The following TDRP variants were observed in gnomAD, a reference collection of about 807,000 sequenced individuals.
TDRP encodes testis development-related protein.
Under a neutral mutation model 10.5 loss-of-function variants are expected in TDRP, and 12 were observed. That is an observed-to-expected ratio of 1.15 (90% CI 0.73 to 1.86). The LOEUF is 1.86. Ranked by LOEUF, TDRP falls within the 40% of genes most tolerant of loss-of-function variation. TDRP has a pLI of 0.00. For missense variants in TDRP, 353 were observed against 229.2 expected (o/e 1.54, Z -3.49); for synonymous variants, 139 against 95.4 (o/e 1.46, Z -2.67).
chr8:529,249 A>T (rs528999288), intron 1 of TDRP, among the ~76,000 whole-genome samples: 1 of 152,282 alleles, frequency 6.6e-6, no homozygotes, highest in East Asian at 1.9e-4. Context: ...CTCAGTATTA[A>T]CCATCACATC....
At chr8:512,971 C>CAAAAAAA (rs34201826) in intron 1 of TDRP, among the ~76,000 whole-genome samples, 1 of 147,206 alleles carries the variant, frequency 6.8e-6, no homozygotes. Flanking sequence ...GATTTCACCT[C>CAAAAAAA]AAAAAAAAAA....
chr8:530,025 G>A (rs1028290263), intron 1 of TDRP, among the ~76,000 whole-genome samples: 4 of 151,906 alleles, frequency 2.6e-5, no homozygotes, highest in Non-Finnish European at 4.4e-5. Context: ...TCCACTCAAT[G>A]GTGTGCCATA....
At chr8:501,502 A>G (rs1801299406) in intron 1 of TDRP, among the ~76,000 whole-genome samples, 1 of 151,770 alleles carries the variant, frequency 6.6e-6, no homozygotes, top group Non-Finnish European at 1.5e-5. Flanking sequence ...GATGGCCACC[A>G]CACCCAGCTA....
chr8:537,288 C>A (rs776644738), intron 1 of TDRP, among the ~76,000 whole-genome samples: 3 of 152,180 alleles, frequency 2.0e-5, no homozygotes, highest in Admixed American at 6.5e-5. Flanking sequence ...GAATGCCTGT[C>A]GCACAAGTGA....
At chr8:535,657 T>G (rs1050851682) in intron 1 of TDRP, among the ~76,000 whole-genome samples, 4 of 151,468 alleles carry the variant, frequency 2.6e-5, no homozygotes, top group Non-Finnish European at 5.9e-5. Context: ...TCCCAACAGG[T>G]GATCTTAAAA....
intron 1 of TDRP, among the ~76,000 whole-genome samples, chr8:529,250 C>G (rs1193287870): frequency 3.3e-5 from 5 of 152,126 alleles, no homozygotes; most frequent in Non-Finnish European, 7.4e-5. Context: ...TCAGTATTAA[C>G]CATCACATCC....
chr8:543,444 A>C (rs1802553767), intron 1 of TDRP, among the ~76,000 whole-genome samples: 1 of 152,180 alleles, frequency 6.6e-6, no homozygotes, highest in Non-Finnish European at 1.5e-5. Flanking sequence ...CTCATCTTTG[A>C]CCAATATTAG....
At chr8:530,040 C>A (rs1223557002) in intron 1 of TDRP, among the ~76,000 whole-genome samples, 1 of 151,762 alleles carries the variant, frequency 6.6e-6, no homozygotes, top group Admixed American at 6.6e-5. Context: ...GCCATAAATC[C>A]CTTAGGCTTT....
At chr8:518,056 C>G (rs570845239) in intron 1 of TDRP, among the ~76,000 whole-genome samples, 42 of 152,326 alleles carry the variant, frequency 2.8e-4, no homozygotes, top group African/African-American at 9.4e-4. Flanking sequence ...CCACCGTACA[C>G]TCATCCAGAC....
Position 495,881 on chromosome 8 carries a change from C to G in TDRP, c.109-1284G>C, listed in dbSNP as rs1222659876. Among the ~76,000 whole-genome samples, 5 of 152,206 alleles carry G rather than the reference C, an allele frequency of 3.3e-5. No homozygotes were observed. In the East Asian group the frequency reaches 5.8e-4, roughly 18 times the overall value. On this transcript the variant is annotated intron_variant, in intron 1 of 2. Transcript: ENST00000324079. ...CAAAGGGCAGAGATGACCCTGAAAA[C>G]TAACCAGGGACTAAGGGGTCCCACT...
At chr8:512,053 A>G (rs1801633891) in intron 1 of TDRP, among the ~76,000 whole-genome samples, 1 of 152,212 alleles carries the variant, frequency 6.6e-6, no homozygotes, top group African/African-American at 2.4e-5. Context: ...GGAAATCACA[A>G]AGATTAAAGC....
At position 494,416 on chromosome 8, in the gene TDRP, T is replaced by C. The variant is rs148150861; in HGVS notation, c.212+78A>G. On this transcript the variant is annotated intron_variant, in intron 2 of 2. Transcript: ENST00000324079. ...CTCCAGTTACACTGCATTTATGCCA[T>C]CAAATCTTCATTTCCACCTCCTCAG... 64 of 1,426,944 alleles carry C rather than the reference T, an allele frequency of 4.5e-5. No homozygotes were observed. In the African/African-American group the frequency reaches 7.7e-4, roughly 17 times the overall value. 88.4% of individuals were successfully genotyped at this position (1,426,944 alleles called of 1,614,324 possible).
rs778378508 is a variant in TDRP, at chr8:492,713, C to T, written c.244G>A (p.Ala82Thr). ...TNLRLKEELK[A>T]EKKSGFWDNL... Reference sequence around the variant, plus strand: ...TCCCAAAATCCAGATTTCTTCTCTGCCTTCAACTCTTCTTTTAATCGTAAG... The same window carrying T: ...TCCCAAAATCCAGATTTCTTCTCTGTCTTCAACTCTTCTTTTAATCGTAAG... Residue 82 changes from alanine (A) to threonine (T), a missense_variant, in exon 3 of 3, where the codon GCA becomes ACA. Coordinates refer to ENST00000324079, the MANE Select transcript of TDRP (RefSeq NM_001384899.1). 4.3e-6 allele frequency: 7 copies of T among 1,612,712 alleles called. No homozygotes were observed. Among genetic ancestry groups the T allele is most frequent in the Non-Finnish European group, 5.9e-6 (7 of 1,179,240 alleles).
At chr8:501,859 C>T (rs1344749041) in intron 1 of TDRP, among the ~76,000 whole-genome samples, 1 of 152,180 alleles carries the variant, frequency 6.6e-6, no homozygotes, top group African/African-American at 2.4e-5. Context: ...AGAAATACAG[C>T]TCTTTGTGAA....
At chr8:521,349 G>A (rs113523765) in intron 1 of TDRP, among the ~76,000 whole-genome samples, 43 of 151,932 alleles carry the variant, frequency 2.8e-4, no homozygotes, top group African/African-American at 9.4e-4. Flanking sequence ...CCCGGGAGGC[G>A]GGGCTTACAG....
chr8:537,567 G>C (rs1802378115), intron 1 of TDRP, among the ~76,000 whole-genome samples: 2 of 152,176 alleles, frequency 1.3e-5, no homozygotes, highest in Admixed American at 6.5e-5. Context: ...CCAGGGGCAG[G>C]ACAGCCTGGT....
At chr8:512,041 T>G (rs912538533) in intron 1 of TDRP, among the ~76,000 whole-genome samples, 1 of 151,304 alleles carries the variant, frequency 6.6e-6, no homozygotes, top group Non-Finnish European at 1.5e-5. Flanking sequence ...AAGCAAAAGG[T>G]AGGAAATCAC....
rs1342954580 is a variant in TDRP at position 491,701 on chromosome 8, A to C, written c.*698T>G. 1.3e-6 allele frequency: 2 copies of C among 1,493,426 alleles called. No homozygotes were observed. The highest frequency in any genetic ancestry group is 5.2e-5 in the Admixed American group (2 of 38,814). The allele number at this position is 1,493,426 out of a possible 1,614,324, so 92.5% of individuals were successfully genotyped here. Reference sequence around the variant, plus strand: ...AACAAAAAAGAGAGCAAATGTTTTAAGAAAATAAAGGGACCGATTTAGAAG... The same window carrying C: ...AACAAAAAAGAGAGCAAATGTTTTACGAAAATAAAGGGACCGATTTAGAAG... On this transcript the variant is annotated 3_prime_UTR_variant, in exon 3 of 3. Transcript: ENST00000324079.
At chr8:540,728 G>C (rs1465292994) in intron 1 of TDRP, among the ~76,000 whole-genome samples, 1 of 147,652 alleles carries the variant, frequency 6.8e-6, no homozygotes, top group Non-Finnish European at 1.5e-5. Context: ...TAATAGTTAA[G>C]TGTCCCATAA....
Sources: allele counts gnomAD v4.1 joint callset (sites outside exome capture counted in the v4.1 genomes callset), GRCh38; gene constraint gnomAD v4.1.1; transcripts MANE v1.5; gene names NCBI Gene and HGNC (gene_info 2026-07-23, HGNC 2026-07-21).